Variants in HECTD2 observed in about 807,000 individuals in gnomAD.
HECTD2 encodes the protein probable E3 ubiquitin-protein ligase HECTD2.
A neutral mutation model predicts 103.2 loss-of-function variants in HECTD2; 35 were observed. The observed-to-expected ratio is 0.34, with a 90% CI of 0.26 to 0.45. The LOEUF (loss-of-function observed/expected upper bound fraction) is 0.45. Ranked by LOEUF, HECTD2 falls within the 20% of genes least tolerant of loss-of-function variation. The pLI is 1.00. For synonymous variants in HECTD2, 281 were observed against 329.9 expected, an observed-to-expected ratio of 0.85 and a Z score of 1.61; for missense variants, 596 against 937.4, an observed-to-expected ratio of 0.64 and a Z score of 4.76.
At chr10:91,498,227 A>G (rs1330882375) in intron 16 of HECTD2, 45 bp downstream of exon 16, 2 of 1,286,676 alleles carry the variant, frequency 1.6e-6, no homozygotes, top group South Asian at 2.4e-5. Context: ...TATATTTCAT[A>G]TATGAACAGT....
chr10:91,482,915 C>A, intron 7 of HECTD2, 52 bp from the exon 8 acceptor site: 1 of 806,746 alleles, frequency 1.2e-6, no homozygotes, highest in South Asian at 1.8e-5. Context: ...AGTGTCTTTC[C>A]TTTTACGTGT....
chr10:91,422,792 T>C (rs1353591615), intron 1 of HECTD2, among the ~76,000 whole-genome samples: 1 of 152,182 alleles, frequency 6.6e-6, no homozygotes, highest in Non-Finnish European at 1.5e-5. Flanking sequence ...TTTGAGACTG[T>C]AAATCCACTA....
chr10:91,496,947 T>G (rs1364445387), intron 15 of HECTD2, among the ~76,000 whole-genome samples: 1 of 150,902 alleles, frequency 6.6e-6, no homozygotes, highest in Non-Finnish European at 1.5e-5. Flanking sequence ...AATTATAATA[T>G]AATGTAAGAA....
chr10:91,506,228 G>C (rs1847163404), intron 20 of HECTD2, among the ~76,000 whole-genome samples: 1 of 150,202 alleles, frequency 6.7e-6, no homozygotes, highest in Non-Finnish European at 1.5e-5. Flanking sequence ...AAAAGCAAGA[G>C]CAAACACATT....
At chr10:91,457,538 A>G (rs1181152868) in intron 2 of HECTD2, among the ~76,000 whole-genome samples, 2 of 152,062 alleles carry the variant, frequency 1.3e-5, no homozygotes, top group Non-Finnish European at 2.9e-5. Flanking sequence ...AATCCACCAT[A>G]CTAACATGCT....
chr10:91,422,416 C>T (rs913246646), intron 1 of HECTD2, among the ~76,000 whole-genome samples: 5 of 152,086 alleles, frequency 3.3e-5, no homozygotes, highest in Non-Finnish European at 4.4e-5. Context: ...TATACAAGCA[C>T]GGCTAACCTT....
At chr10:91,504,761 C>A (rs1292803942) in intron 20 of HECTD2, among the ~76,000 whole-genome samples, 3 of 151,744 alleles carry the variant, frequency 2.0e-5, no homozygotes, top group Non-Finnish European at 4.4e-5. Flanking sequence ...CATTCAGATT[C>A]AGGAAATACA....
intron 5 of HECTD2, among the ~76,000 whole-genome samples, chr10:91,476,325 A>G (rs1183271444): frequency 6.6e-6 from 1 of 152,234 alleles, no homozygotes; most frequent in Non-Finnish European, 1.5e-5. Flanking sequence ...TCTGAGACCT[A>G]GAAAGCTTCC....
At chr10:91,506,064 T>C (rs1464943501) in intron 20 of HECTD2, among the ~76,000 whole-genome samples, 1 of 152,252 alleles carries the variant, frequency 6.6e-6, no homozygotes, top group African/African-American at 2.4e-5. Context: ...AAAGATGTTC[T>C]TTGAAACCAA....
intron 2 of HECTD2, among the ~76,000 whole-genome samples, chr10:91,450,959 C>T (rs1220760641): frequency 6.6e-6 from 1 of 152,086 alleles, no homozygotes; most frequent in Admixed American, 6.6e-5. Context: ...GTGGTGATTC[C>T]TCAAGAATCT....
At chr10:91,443,884 G>A (rs931355539) in intron 2 of HECTD2, among the ~76,000 whole-genome samples, 2 of 152,166 alleles carry the variant, frequency 1.3e-5, no homozygotes, top group African/African-American at 4.8e-5. Flanking sequence ...AACATCCAAT[G>A]TCTAGTAATT....
intron 2 of HECTD2, among the ~76,000 whole-genome samples, chr10:91,449,115 A>G (rs922251308): frequency 6.6e-6 from 1 of 151,876 alleles, no homozygotes; most frequent in African/African-American, 2.4e-5. Flanking sequence ...GAACATGGAT[A>G]TGAAAATCCT....
intron 5 of HECTD2, among the ~76,000 whole-genome samples, chr10:91,469,674 C>T (rs1284761264): frequency 6.6e-6 from 1 of 152,120 alleles, no homozygotes; most frequent in Non-Finnish European, 1.5e-5. Context: ...AAACTATTGA[C>T]ACTATAAAGC....
At chr10:91,438,560 T>C (rs1463717336) in intron 2 of HECTD2, among the ~76,000 whole-genome samples, 1 of 152,062 alleles carries the variant, frequency 6.6e-6, no homozygotes, top group African/African-American at 2.4e-5. Flanking sequence ...GTCTTGATAG[T>C]AGAATGATTT....
chr10:91,477,820 G>A (rs1344737588), intron 5 of HECTD2, among the ~76,000 whole-genome samples: 1 of 151,980 alleles, frequency 6.6e-6, no homozygotes. Flanking sequence ...AAGATTTTTA[G>A]TATTTGGATT....
intron 1 of HECTD2, among the ~76,000 whole-genome samples, chr10:91,420,749 C>CTT (rs766135854): frequency 6.6e-6 from 1 of 152,116 alleles, no homozygotes; most frequent in Admixed American, 6.5e-5. Context: ...GCTAGTCAGT[C>CTT]TTTTCTATAT....
At chr10:91,494,797 A>T (rs565845489) in intron 14 of HECTD2, among the ~76,000 whole-genome samples, 2 of 151,998 alleles carry the variant, frequency 1.3e-5, no homozygotes, top group Non-Finnish European at 2.9e-5. Context: ...TCACTATACT[A>T]TGAGCTATTT....
chr10:91,499,173 A>G, intron 18 of HECTD2, 23 bp downstream of exon 18: 1 of 1,420,252 alleles, frequency 7.0e-7, no homozygotes, highest in East Asian at 2.3e-5. Flanking sequence ...CTTTAAATCA[A>G]GCTTTCGGTT....
intron 2 of HECTD2, among the ~76,000 whole-genome samples, chr10:91,448,949 C>T (rs1844659172): frequency 8.9e-6 from 1 of 112,000 alleles, no homozygotes; most frequent in Non-Finnish European, 1.8e-5. Flanking sequence ...ACCAGAGATA[C>T]AAAGAGGAGC....
Sources: allele counts gnomAD v4.1 joint callset (sites outside exome capture counted in the v4.1 genomes callset), GRCh38; gene constraint gnomAD v4.1.1; transcripts MANE v1.5; gene names NCBI Gene and HGNC (gene_info 2026-07-23, HGNC 2026-07-21).